Variants in PCP4L1 observed in about 807,000 individuals in gnomAD.
PCP4L1 encodes the protein Purkinje cell protein 4 like 1, also known as Purkinje cell protein 4-like protein 1.
Under a neutral mutation model 9.6 loss-of-function variants are expected in PCP4L1, and 9 were observed. That is an observed-to-expected ratio of 0.94 (90% CI 0.57 to 1.64). The LOEUF is 1.64. PCP4L1 is among the 40% of genes most tolerant of loss of function. The pLI, the probability that PCP4L1 is intolerant of heterozygous loss-of-function variation, is 0.00. For missense variants in PCP4L1, 81 were observed against 80.8 expected, an observed-to-expected ratio of 1.00 and a Z score of -0.01; for synonymous variants, 31 against 28.2, an observed-to-expected ratio of 1.10 and a Z score of -0.31.
At chr1:161,259,585 A>G (rs1417380380) in intron 1 of PCP4L1, among the ~76,000 whole-genome samples, 3 of 152,168 alleles carry the variant, frequency 2.0e-5, no homozygotes, top group Non-Finnish European at 4.4e-5. Context: ...GCTTGTTACA[A>G]ACTAGGTCTT....
intron 1 of PCP4L1, among the ~76,000 whole-genome samples, chr1:161,272,709 ATATT>A (rs1295985712): frequency 6.6e-6 from 1 of 151,912 alleles, no homozygotes; most frequent in Non-Finnish European, 1.5e-5. Context: ...AAGGATAAAT[ATATT>A]TATTTATCCT....
In PCP4L1 at chr1:161,285,095, A is replaced by C. The variant is rs1309713426; in HGVS notation, c.*614A>C. On this transcript the variant is annotated 3_prime_UTR_variant, in exon 3 of 3. Coordinates refer to ENST00000504449, the MANE Select transcript of PCP4L1 (RefSeq NM_001102566.2). ...GTGTCAAGGAAAAGCCTCCCTCATC[A>C]TCTAGTCTAAGACCATAACGGGCAG... 3 of 153,212 alleles carry C rather than the reference A, an allele frequency of 2.0e-5. No homozygotes were observed. Among genetic ancestry groups the C allele is most frequent in the African/African-American group, 7.2e-5 (3 of 41,448 alleles). 9.5% of individuals were successfully genotyped at this position (153,212 alleles called of 1,614,324 possible). A position where few individuals can be genotyped will look rare whatever the true frequency, so the allele number is the denominator to read the frequency against.
At chr1:161,270,253 T>C (rs944596646) in intron 1 of PCP4L1, among the ~76,000 whole-genome samples, 12 of 152,056 alleles carry the variant, frequency 7.9e-5, no homozygotes, top group African/African-American at 2.9e-4. Context: ...GCTGAGATCA[T>C]GCCACTGTAC....
chr1:161,282,062 C>T (rs979361915), intron 1 of PCP4L1, among the ~76,000 whole-genome samples: 4 of 152,142 alleles, frequency 2.6e-5, no homozygotes, highest in Admixed American at 6.5e-5. Context: ...TTGTAGCAAG[C>T]GGAGATCATG....
chr1:161,277,631 C>T (rs541376364), intron 1 of PCP4L1, among the ~76,000 whole-genome samples: 3 of 152,280 alleles, frequency 2.0e-5, no homozygotes, highest in Non-Finnish European at 4.4e-5. Context: ...CAGCCATTAA[C>T]CCCCAATGTG....
chr1:161,276,866 T>C (rs34339669), intron 1 of PCP4L1, among the ~76,000 whole-genome samples: 7,512 of 152,090 alleles, frequency 0.049, 251 homozygotes, highest in Non-Finnish European at 0.072. Context: ...CCATGTCAAA[T>C]ACAATATCGC....
chr1:161,278,077 A>C (rs1669732014), intron 1 of PCP4L1, among the ~76,000 whole-genome samples: 1 of 151,332 alleles, frequency 6.6e-6, no homozygotes, highest in Non-Finnish European at 1.5e-5. Flanking sequence ...CTGTATCATC[A>C]GTTTTTTTCT....
chr1:161,258,904 C>T lies in PCP4L1; in HGVS notation c.-71C>T, dbSNP rs1669366932. The T allele has an allele frequency of 6.5e-7, 1 of 1,534,504 alleles. No homozygotes were observed. The highest frequency in any genetic ancestry group is 1.4e-5 in the African/African-American group (1 of 72,990). On this transcript the variant is annotated 5_prime_UTR_variant, in exon 1 of 3. Coordinates refer to ENST00000504449, the MANE Select transcript of PCP4L1 (RefSeq NM_001102566.2). ...GAGCCCGGCAACTTTCAGCTGTCGC[C>T]CGCGGAGCCCCGAGGGCCACTCGCC... is the stretch of plus-strand genomic sequence containing the variant.
chr1:161,279,025 C>T (rs914331698), intron 1 of PCP4L1, among the ~76,000 whole-genome samples: 1 of 152,148 alleles, frequency 6.6e-6, no homozygotes, highest in South Asian at 2.1e-4. Context: ...TCAAGCAATC[C>T]GCCCACCTTG....
At chr1:161,268,946 T>C (rs1392079597) in intron 1 of PCP4L1, among the ~76,000 whole-genome samples, 1 of 152,212 alleles carries the variant, frequency 6.6e-6, no homozygotes, top group Non-Finnish European at 1.5e-5. Context: ...CAGCTAGGAA[T>C]GACAGAGCTG....
At position 161,282,378 on chromosome 1, in the gene PCP4L1, AAAGAGAGGGAGAGGGAGACC is replaced by A. The variant is rs1256482262; in HGVS notation, c.10-1289_10-1270del. 2.2e-5 allele frequency among the ~76,000 whole-genome samples: 3 copies of A among 135,792 alleles called. No homozygotes were observed. The East Asian group carries it at 1.2e-3, about 56-fold the overall frequency. 89.1% of individuals were successfully genotyped at this position (135,792 alleles called of 152,430 possible). On this transcript the variant is annotated intron_variant, in intron 1 of 2. Coordinates refer to ENST00000504449, the MANE Select transcript of PCP4L1 (RefSeq NM_001102566.2). ...GCTGGGCATCAGAGGGAGAGCGTGGAAAGAGAGGGAGAGGGAGACCGTGGGGAGAGGGAGAGGGAGGGGGA... is the reference window on the plus strand; with the variant it reads ...GCTGGGCATCAGAGGGAGAGCGTGGAGTGGGGAGAGGGAGAGGGAGGGGGA...
chr1:161,266,569 C>A (rs1429515915), intron 1 of PCP4L1, among the ~76,000 whole-genome samples: 1 of 152,112 alleles, frequency 6.6e-6, no homozygotes, highest in Admixed American at 6.6e-5. Context: ...GGGGGTACTT[C>A]TATTCCAGGA....
At chr1:161,281,952 A>T (rs1488757001) in intron 1 of PCP4L1, among the ~76,000 whole-genome samples, 2 of 146,034 alleles carry the variant, frequency 1.4e-5, no homozygotes, top group African/African-American at 5.1e-5. Context: ...ATGGGCGGCC[A>T]GGCAGAGACG....
chr1:161,271,161 T>C (rs1405416240), intron 1 of PCP4L1, among the ~76,000 whole-genome samples: 1 of 152,256 alleles, frequency 6.6e-6, no homozygotes, highest in Non-Finnish European at 1.5e-5. Flanking sequence ...CTATACCATC[T>C]TGCATTCCCA....
intron 1 of PCP4L1, among the ~76,000 whole-genome samples, chr1:161,263,243 GTTTTTT>G (rs1232936673): frequency 8.0e-5 from 10 of 125,668 alleles, no homozygotes; most frequent in Non-Finnish European, 1.5e-4. Flanking sequence ...TTTTGTTTTT[GTTTTTT>G]TTTGGGTTGG....
intron 1 of PCP4L1, among the ~76,000 whole-genome samples, chr1:161,283,068 T>C (rs1165468833): frequency 6.6e-6 from 1 of 152,158 alleles, no homozygotes; most frequent in Non-Finnish European, 1.5e-5. Context: ...CCCTACATAA[T>C]CTGCTTCCAC....
intron 1 of PCP4L1, among the ~76,000 whole-genome samples, chr1:161,280,584 G>T (rs6681182): frequency 0.46 from 69,180 of 151,444 alleles, 16,134 homozygotes; most frequent in East Asian, 0.63. Flanking sequence ...TTACAATCAT[G>T]CCCTCCCCTT....
intron 1 of PCP4L1, among the ~76,000 whole-genome samples, chr1:161,276,228 G>A (rs1050618015): frequency 3.3e-5 from 5 of 152,092 alleles, no homozygotes; most frequent in African/African-American, 1.2e-4. Context: ...TGACCACAGG[G>A]GGATTATGGG....
chr1:161,260,383 GA>G (rs1383966952), intron 1 of PCP4L1, among the ~76,000 whole-genome samples: 1 of 152,074 alleles, frequency 6.6e-6, no homozygotes, highest in African/African-American at 2.4e-5. Context: ...AGAAAGAAAA[GA>G]AAAAAACGCA....
Sources: allele counts gnomAD v4.1 joint callset (sites outside exome capture counted in the v4.1 genomes callset), GRCh38; gene constraint gnomAD v4.1.1; transcripts MANE v1.5; gene names NCBI Gene and HGNC (gene_info 2026-07-23, HGNC 2026-07-21).